FAM135B: variants seen among roughly 807,000 people sequenced by gnomAD.
The protein encoded by FAM135B is protein FAM135B.
A neutral mutation model predicts 127.7 loss-of-function variants in FAM135B; 43 were observed. The observed-to-expected ratio is 0.34, with a 90% confidence interval of 0.26 to 0.43. FAM135B has a LOEUF of 0.43. Ranked by LOEUF, FAM135B falls within the 20% of genes least tolerant of loss-of-function variation. The pLI is 1.00. For synonymous variants in FAM135B, 670 were observed against 665.1 expected (o/e 1.01, Z -0.11); for missense variants, 1,558 against 1,725.6 (o/e 0.90, Z 1.72).
chr8:138,214,872 G>A (rs1461189302), intron 7 of FAM135B, among the ~76,000 whole-genome samples: 1 of 152,034 alleles, frequency 6.6e-6, no homozygotes, highest in Non-Finnish European at 1.5e-5. Flanking sequence ...AGAGGGAAGA[G>A]GATCAGAAAA....
At chr8:138,406,861 G>T (rs1324705693) in intron 1 of FAM135B, among the ~76,000 whole-genome samples, 2 of 151,384 alleles carry the variant, frequency 1.3e-5, no homozygotes, top group Non-Finnish European at 2.9e-5. Context: ...AGACAGGGAT[G>T]CCCTCTCTCA....
intron 1 of FAM135B, among the ~76,000 whole-genome samples, chr8:138,380,960 A>C (rs547346111): frequency 6.6e-6 from 1 of 150,758 alleles, no homozygotes; most frequent in African/African-American, 2.4e-5. Context: ...GCAACAAAAC[A>C]CACACATGCA....
intron 11 of FAM135B, among the ~76,000 whole-genome samples, chr8:138,170,217 CTT>C (rs141401317): frequency 0.37 from 40,895 of 111,482 alleles, 6,436 homozygotes; most frequent in East Asian, 0.65. Context: ...CTGTTACTAT[CTT>C]TTTTTTTTTT....
intron 2 of FAM135B, among the ~76,000 whole-genome samples, chr8:138,323,556 G>C (rs1356336553): frequency 1.3e-5 from 2 of 152,236 alleles, no homozygotes; most frequent in Non-Finnish European, 2.9e-5. Flanking sequence ...AAGGATGGAA[G>C]AGCAGAAGGA....
At chr8:138,441,713 T>C (rs1368991662) in intron 1 of FAM135B, 2 of 152,054 alleles carry the variant, frequency 1.3e-5, no homozygotes, top group East Asian at 3.9e-4. Context: ...TTCTGCCATA[T>C]AGCTTCTCTG....
At chr8:138,497,430 G>A (rs1045250387), upstream of FAM135B, among the ~76,000 whole-genome samples, 1 of 151,902 alleles carries the variant, frequency 6.6e-6, no homozygotes, top group Non-Finnish European at 1.5e-5. Flanking sequence ...TGACCGGCGC[G>A]AGCATGCTCA....
intron 11 of FAM135B, among the ~76,000 whole-genome samples, chr8:138,176,367 T>C (rs1341210063): frequency 6.6e-6 from 1 of 152,254 alleles, no homozygotes; most frequent in Non-Finnish European, 1.5e-5. Flanking sequence ...TATGTTTGTA[T>C]TTGTCAGATT....
chr8:138,274,743 T>A (rs1823674543), intron 3 of FAM135B, among the ~76,000 whole-genome samples: 4 of 152,162 alleles, frequency 2.6e-5, no homozygotes, highest in Admixed American at 6.5e-5. Context: ...GGATGTTCCA[T>A]GCTGAGAAAA....
rs73716792 is a variant in FAM135B, at chr8:138,310,468, C to T, written c.157+373G>A. 2.4e-3 allele frequency among the ~76,000 whole-genome samples: 373 copies of T among 152,268 alleles called. 2 individuals carry two copies. The highest frequency in any genetic ancestry group is 8.6e-3 in the African/African-American group (359 of 41,538). On this transcript the variant is annotated intron_variant, in intron 3 of 19. Transcript: ENST00000395297. The stretch of plus-strand genomic sequence containing the variant: ...TGAAAAGTGCCACCGACACCGCCTA[C>T]TCACTCAGTCCTCTGTACCTAGTTG...
chr8:138,322,748 C>A (rs1827532867), intron 2 of FAM135B, among the ~76,000 whole-genome samples: 1 of 152,310 alleles, frequency 6.6e-6, no homozygotes, highest in Middle Eastern at 3.4e-3. Context: ...ACCTAATGAG[C>A]TGTCACACTG....
intron 1 of FAM135B, among the ~76,000 whole-genome samples, chr8:138,461,541 G>T (rs1231396851): frequency 1.3e-5 from 2 of 152,176 alleles, no homozygotes; most frequent in African/African-American, 2.4e-5. Flanking sequence ...TCAAGTCCAT[G>T]TCAAGGTATG....
rs768062906 is a variant in FAM135B at position 138,493,985 on chromosome 8, G to A, written c.-20+2686C>T. ...TGAAATCAAGGAAAGAAATTGAAGCGAGAAAAAGATATTTCAAGTTTAAAA... is the reference window on the plus strand; with the variant it reads ...TGAAATCAAGGAAAGAAATTGAAGCAAGAAAAAGATATTTCAAGTTTAAAA... On this transcript the variant is annotated intron_variant, in intron 1 of 19. Coordinates refer to ENST00000395297, the MANE Select transcript of FAM135B (RefSeq NM_015912.4). Among the ~76,000 whole-genome samples the A allele has an allele frequency of 4.4e-4, 35 of 78,784 alleles. No homozygotes were observed. In the African/African-American group the frequency reaches 0.013, roughly 29 times the overall value. 51.7% of individuals were successfully genotyped at this position (78,784 alleles called of 152,430 possible). A position where few individuals can be genotyped will look rare whatever the true frequency, so the allele number is the denominator to read the frequency against.
chr8:138,343,896 G>T (rs544011367), intron 2 of FAM135B, among the ~76,000 whole-genome samples: 1 of 152,200 alleles, frequency 6.6e-6, no homozygotes, highest in Non-Finnish European at 1.5e-5. Flanking sequence ...CAGGAGGGGG[G>T]TTTAGGAGCT....
intron 1 of FAM135B, among the ~76,000 whole-genome samples, chr8:138,380,536 C>T (rs2131282450): frequency 6.6e-6 from 1 of 152,204 alleles, no homozygotes; most frequent in Admixed American, 6.5e-5. Flanking sequence ...GCATAGTGAT[C>T]CAGTGGTCCC....
At chr8:138,343,523 A>G (rs1218461320) in intron 2 of FAM135B, among the ~76,000 whole-genome samples, 1 of 152,160 alleles carries the variant, frequency 6.6e-6, no homozygotes, top group Non-Finnish European at 1.5e-5. Context: ...AACTGTCTTC[A>G]CCTCTTACAC....
chr8:138,259,997 C>T (rs780928540), intron 4 of FAM135B, among the ~76,000 whole-genome samples: 15 of 152,174 alleles, frequency 9.9e-5, no homozygotes, highest in Non-Finnish European at 2.1e-4. Context: ...GGTCTCTTTG[C>T]AGGAGCCAGA....
At position 138,497,242 on chromosome 8, in the gene FAM135B, T is replaced by C. The variant is rs4909803; in HGVS notation, c.-591A>G. On this transcript the variant is annotated 5_prime_UTR_variant, in exon 1 of 20. Transcript: ENST00000395297. ...CGCTCCGCAGCCGCTGCGCACCGCG[T>C]GGGTAGACGCTGCGCGACTGGCTGG... Among the ~76,000 whole-genome samples the C allele has an allele frequency of 6.7e-6, 1 of 150,320 alleles. No individual in the cohort carries two copies. The highest frequency in any genetic ancestry group is 2.4e-5 in the African/African-American group (1 of 41,276).
chr8:138,321,161 C>T (rs926856564), intron 2 of FAM135B, among the ~76,000 whole-genome samples: 6 of 152,184 alleles, frequency 3.9e-5, no homozygotes, highest in African/African-American at 1.4e-4. Flanking sequence ...CATACTGGTA[C>T]CAGCCTTGCA....
At chr8:138,159,560 C>A (rs1010856077) in intron 12 of FAM135B, among the ~76,000 whole-genome samples, 5 of 146,278 alleles carry the variant, frequency 3.4e-5, no homozygotes, top group African/African-American at 1.3e-4. Flanking sequence ...ACAATGAGAA[C>A]ACCTGGACAC....
Sources: gnomAD v4.1 joint callset for allele counts (sites outside exome capture counted in the v4.1 genomes callset) on GRCh38, gnomAD v4.1.1 for gene constraint, MANE v1.5 for transcripts, NCBI Gene and HGNC (gene_info 2026-07-23, HGNC 2026-07-21) for gene names.